Variants in LRRC49 observed in about 807,000 individuals in gnomAD.
LRRC49 encodes the protein leucine rich repeat containing 49.
Under a neutral mutation model 83.3 loss-of-function variants are expected in LRRC49, and 50 were observed. That is an observed-to-expected ratio of 0.60 (90% confidence interval 0.48 to 0.76). LRRC49 has a LOEUF of 0.76. LRRC49 is among the 30% of genes least tolerant of loss of function. LRRC49 has a pLI of 0.00. For missense variants in LRRC49, 704 were observed against 809.1 expected (o/e 0.87, Z 1.58); for synonymous variants, 286 against 283.3 (o/e 1.01, Z -0.10).
chr15:70,875,069 A>G (rs927991831), intron 2 of LRRC49, among the ~76,000 whole-genome samples: 14 of 152,368 alleles, frequency 9.2e-5, no homozygotes, highest in African/African-American at 3.4e-4. Flanking sequence ...TTGGATTGCT[A>G]AGACAATTTG....
intron 1 of LRRC49, among the ~76,000 whole-genome samples, chr15:70,856,939 G>A (rs1018463919): frequency 3.3e-5 from 5 of 152,072 alleles, no homozygotes; most frequent in Non-Finnish European, 7.3e-5. Flanking sequence ...GCCGTGGCAG[G>A]GGAAGGGAGG....
At chr15:70,885,853 T>C (rs981273645) in intron 2 of LRRC49, among the ~76,000 whole-genome samples, 62 of 152,284 alleles carry the variant, frequency 4.1e-4, no homozygotes, top group Non-Finnish European at 2.2e-4. Context: ...TTAATAGACA[T>C]CAGTGGAACA....
intron 2 of LRRC49, among the ~76,000 whole-genome samples, chr15:70,884,038 C>A (rs1186777643): frequency 2.0e-5 from 3 of 152,026 alleles, no homozygotes; most frequent in African/African-American, 4.8e-5. Flanking sequence ...TAATATAAGA[C>A]AGGGTACCTA....
At chr15:70,951,564 CATT>C (rs2036218160) in intron 8 of LRRC49, among the ~76,000 whole-genome samples, 1 of 151,822 alleles carries the variant, frequency 6.6e-6, no homozygotes, top group African/African-American at 2.4e-5. Flanking sequence ...TGAGCCTAGA[CATT>C]ATTGGTGTAT....
chr15:70,909,526 G>T (rs2034457083), intron 5 of LRRC49, among the ~76,000 whole-genome samples: 1 of 152,104 alleles, frequency 6.6e-6, no homozygotes, highest in Non-Finnish European at 1.5e-5. Flanking sequence ...AGCAAAGCAG[G>T]CAAAGGAAAA....
At chr15:70,866,646 C>A (rs1192246235) in intron 1 of LRRC49, among the ~76,000 whole-genome samples, 1 of 152,146 alleles carries the variant, frequency 6.6e-6, no homozygotes, top group African/African-American at 2.4e-5. Context: ...TCCTCAGGGT[C>A]TTCATGCAGT....
intron 1 of LRRC49, among the ~76,000 whole-genome samples, chr15:70,864,991 G>A (rs550315899): frequency 6.6e-6 from 1 of 152,298 alleles, no homozygotes; most frequent in Non-Finnish European, 1.5e-5. Context: ...TATGCCTAGA[G>A]TCAACACCAC....
chr15:71,000,850 G>A (rs547500100), intron 11 of LRRC49, among the ~76,000 whole-genome samples: 8 of 151,034 alleles, frequency 5.3e-5, no homozygotes, highest in Middle Eastern at 3.4e-3. Context: ...TTTTTTTCTT[G>A]TATTATGTGT....
chr15:70,949,852 T>C (rs2036151495), intron 8 of LRRC49, among the ~76,000 whole-genome samples: 1 of 152,112 alleles, frequency 6.6e-6, no homozygotes, highest in Non-Finnish European at 1.5e-5. Context: ...CATATGCGGG[T>C]TTGTTACATG....
At chr15:71,003,063 G>C (rs1052457607) in intron 11 of LRRC49, among the ~76,000 whole-genome samples, 1 of 137,802 alleles carries the variant, frequency 7.3e-6, no homozygotes, top group Non-Finnish European at 1.5e-5. Flanking sequence ...TCAGCCTCCC[G>C]AGTAGCTGGG....
intron 14 of LRRC49, among the ~76,000 whole-genome samples, chr15:71,025,337 A>C (rs532525210): frequency 6.6e-6 from 1 of 152,328 alleles, no homozygotes; most frequent in East Asian, 1.9e-4. Context: ...TATCAGGCTA[A>C]CAGTGGACCT....
intron 1 of LRRC49, among the ~76,000 whole-genome samples, chr15:70,869,470 A>G (rs2032983231): frequency 6.6e-6 from 1 of 152,156 alleles, no homozygotes; most frequent in African/African-American, 2.4e-5. Flanking sequence ...TGAACCTACT[A>G]GTGAGTGTCT....
At chr15:70,988,224 T>G (rs1333693369) in intron 11 of LRRC49, among the ~76,000 whole-genome samples, 1 of 151,448 alleles carries the variant, frequency 6.6e-6, no homozygotes, top group Admixed American at 6.6e-5. Context: ...CTGTCTAATG[T>G]TGACAGTGGG....
At position 70,963,880 on chromosome 15, in the gene LRRC49, C is replaced by G; in HGVS notation, c.869C>G (p.Thr290Ser). 1 of 1,613,608 alleles carries G rather than the reference C, an allele frequency of 6.2e-7. No individual in the cohort carries two copies. Among genetic ancestry groups the G allele is most frequent in the Non-Finnish European group, 8.5e-7 (1 of 1,179,642 alleles). The change falls in exon 9 of 16, where the codon ACT (threonine) becomes AGT (serine). Residue 290 changes from threonine to serine, a missense_variant. Thr to Ser is a moderately conservative substitution (Grantham distance 58, BLOSUM62 1). Around this residue, in one of 3 missense-constraint regions of LRRC49, gnomAD observed 168 missense variants for 140.6 expected, o/e 1.20. Coordinates refer to ENST00000260382, the MANE Select transcript of LRRC49 (RefSeq NM_017691.5). ...PIAQESWYKH[T>S]VLQNMMQLRQ... ...GCTCAAGAGTCATGGTACAAACACA[C>G]TGTCCTTCAGAATATGATGCAGCTG...
chr15:70,984,913 AATG>A (rs2141228587), intron 11 of LRRC49, among the ~76,000 whole-genome samples: 1 of 150,818 alleles, frequency 6.6e-6, no homozygotes, highest in South Asian at 2.1e-4. Context: ...GTTTACTGAG[AATG>A]ATGATTTCCA....
At chr15:70,874,829 A>T (rs1479504834) in intron 2 of LRRC49, among the ~76,000 whole-genome samples, 1 of 152,252 alleles carries the variant, frequency 6.6e-6, no homozygotes, top group Non-Finnish European at 1.5e-5. Context: ...TAAAAACATG[A>T]TAGATCCCTA....
At chr15:70,984,071 T>A (rs1206601146) in intron 10 of LRRC49, 23 bp from the exon 11 acceptor site, 4 of 1,606,692 alleles carry the variant, frequency 2.5e-6, no homozygotes, top group Non-Finnish European at 3.4e-6. Context: ...ATATAACTTT[T>A]GTCACAATTA....
chr15:70,956,746 G>A (rs960713072), intron 8 of LRRC49, among the ~76,000 whole-genome samples: 6 of 152,124 alleles, frequency 3.9e-5, no homozygotes, highest in Non-Finnish European at 8.8e-5. Flanking sequence ...GGAATGTCTG[G>A]CATGGTTATT....
intron 1 of LRRC49, chr15:70,860,150 C>G: frequency 1.4e-6 from 1 of 693,374 alleles, no homozygotes; most frequent in Non-Finnish European, 2.6e-6. Flanking sequence ...CCTCTGACAT[C>G]CTGCCTAAGT....
Sources: gnomAD v4.1 joint callset for allele counts (sites outside exome capture counted in the v4.1 genomes callset) on GRCh38, gnomAD v4.1.1 for gene constraint, gnomAD v4.1.1 regional missense constraint, MANE v1.5 for transcripts, NCBI Gene and HGNC (gene_info 2026-07-23, HGNC 2026-07-21) for gene names.